The following XPO6 variants were observed in gnomAD, a reference collection of about 807,000 sequenced individuals.
XPO6 encodes exportin-6.
In XPO6, 3 loss-of-function variants were observed where a neutral mutation model predicts 130.0. The ratio of observed to expected loss-of-function variants is 0.02; its 90% CI spans 0.01 to 0.06. The LOEUF (loss-of-function observed/expected upper bound fraction) is 0.06. Among genes scored for constraint, XPO6 ranks in the 10% least tolerant of loss-of-function variants. The pLI, the probability that XPO6 is intolerant of heterozygous loss-of-function variation, is 1.00. For missense variants in XPO6, 970 were observed against 1,393.0 expected (o/e 0.70, Z 4.83); for synonymous variants, 524 against 548.9 (o/e 0.95, Z 0.63).
chr16:28,148,950 T>C (rs1238716408), intron 8 of XPO6, among the ~76,000 whole-genome samples: 1 of 149,446 alleles, frequency 6.7e-6, no homozygotes, highest in Non-Finnish European at 1.5e-5. Context: ...GGCTGAGAGG[T>C]AGAACTGCTT....
At chr16:28,102,094 TAAGTCTCAGAGTTC>T in intron 21 of XPO6, 149 bp from the exon 22 acceptor site, 1 of 613,202 alleles carries the variant, frequency 1.6e-6, no homozygotes, top group Non-Finnish European at 2.8e-6. Context: ...ACGCTCCTCC[TAAGTCTCAGAGTTC>T]ATGTTTTCCC....
chr16:28,202,465 AGACAAT>A (rs1379313651), intron 1 of XPO6, among the ~76,000 whole-genome samples: 1 of 152,168 alleles, frequency 6.6e-6, no homozygotes, highest in Non-Finnish European at 1.5e-5. Flanking sequence ...CCAAAGCAAG[AGACAAT>A]GACAGCTTGA....
At chr16:28,124,286 G>A (rs1291137166) in intron 13 of XPO6, among the ~76,000 whole-genome samples, 1 of 152,174 alleles carries the variant, frequency 6.6e-6, no homozygotes, top group Non-Finnish European at 1.5e-5. Flanking sequence ...TTGAACTCCT[G>A]ACCTCAGGTG....
Position 28,108,047 on chromosome 16 carries a change from G to C in XPO6, c.2342-370C>G, listed in dbSNP as rs139808876. Among the ~76,000 whole-genome samples the C allele has an allele frequency of 2.0e-3, 312 of 152,220 alleles. 2 individuals carry two copies. The highest frequency in any genetic ancestry group is 6.7e-3 in the African/African-American group (279 of 41,542). ...GCCTTGGATTTAATCAAATCTAAAA[G>C]ATGGTGAATAGACTGGTGAGAAAAT... On this transcript the variant is annotated intron_variant, in intron 17 of 23. Transcript: ENST00000304658.
intron 13 of XPO6, among the ~76,000 whole-genome samples, chr16:28,124,681 C>A (rs1490804266): frequency 1.3e-5 from 2 of 152,198 alleles, no homozygotes; most frequent in East Asian, 3.8e-4. Context: ...AAGTACAGAA[C>A]AAAATGAAAG....
chr16:28,157,376 AC>A (rs57228621), intron 6 of XPO6, among the ~76,000 whole-genome samples: 8,209 of 152,092 alleles, frequency 0.054, 568 homozygotes, highest in East Asian at 0.17. Flanking sequence ...AATCGCTTGA[AC>A]CCAGGAGGTG....
chr16:28,101,919 G>A lies in XPO6; in HGVS notation c.2973C>T (p.Pro991=), dbSNP rs375326776. Residue 991 remains proline (P), a synonymous_variant, in exon 22 of 24, where the codon CCC becomes CCT. Transcript: ENST00000304658. The surrounding 1 kb of genome is among the most constrained non-coding windows in gnomAD (Gnocchi z 5.4). Reference sequence around the variant, plus strand: ...GATTTTGTTTAAAAAGGTGGATGTCGGGCTGGAGAAAGGACTGTCCGAAAG... The same window carrying A: ...GATTTTGTTTAAAAAGGTGGATGTCAGGCTGGAGAAAGGACTGTCCGAAAG... ...MQAFGQSFLQ[P]DIHLFKQNLF... 7.2e-5 allele frequency: 116 copies of A among 1,614,000 alleles called. No homozygotes were observed. Among genetic ancestry groups the A allele is most frequent in the Admixed American group, 2.2e-4 (13 of 60,004 alleles).
chr16:28,135,484 G>A (rs187679104), intron 9 of XPO6, among the ~76,000 whole-genome samples, 160 bp from the exon 10 acceptor site: 4 of 152,286 alleles, frequency 2.6e-5, no homozygotes, highest in South Asian at 2.1e-4. Context: ...ACGTGTGTGC[G>A]CCCATGGAAG....
intron 9 of XPO6, among the ~76,000 whole-genome samples, chr16:28,143,086 T>C (rs913099783): frequency 1.8e-4 from 28 of 152,138 alleles, no homozygotes; most frequent in African/African-American, 6.5e-4. Context: ...TCATGAAAAA[T>C]TAAAAAGCCT....
chr16:28,173,468 G>A (rs945957607), intron 4 of XPO6, among the ~76,000 whole-genome samples: 1 of 152,174 alleles, frequency 6.6e-6, no homozygotes, highest in African/African-American at 2.4e-5. Flanking sequence ...TTAGGCTAGG[G>A]GCAGTAGCTC....
At chr16:28,118,131 G>A (rs764628980) in intron 14 of XPO6, among the ~76,000 whole-genome samples, 3 of 152,146 alleles carry the variant, frequency 2.0e-5, no homozygotes, top group Admixed American at 2.0e-4. Context: ...ATTACCTTTC[G>A]GTAATAATTA....
intron 17 of XPO6, among the ~76,000 whole-genome samples, chr16:28,109,107 C>A (rs1048319537): frequency 1.3e-5 from 2 of 152,150 alleles, no homozygotes; most frequent in African/African-American, 4.8e-5. Flanking sequence ...GAGCAAAAAA[C>A]CAACAGTCAA....
chr16:28,197,606 G>C (rs2043885406), intron 1 of XPO6, among the ~76,000 whole-genome samples: 2 of 152,012 alleles, frequency 1.3e-5, no homozygotes, highest in South Asian at 4.1e-4. Flanking sequence ...GAAAACATGT[G>C]ATGAAGTGCC....
intron 1 of XPO6, among the ~76,000 whole-genome samples, chr16:28,201,099 G>C (rs1215621060): frequency 6.6e-6 from 1 of 151,964 alleles, no homozygotes; most frequent in East Asian, 1.9e-4. Context: ...AATTAGCTTT[G>C]GGGCTCCCCA....
intron 3 of XPO6, among the ~76,000 whole-genome samples, 160 bp downstream of exon 3, chr16:28,177,060 C>A (rs1254410576): frequency 6.6e-6 from 1 of 152,126 alleles, no homozygotes; most frequent in African/African-American, 2.4e-5. Flanking sequence ...ATGGAAGATG[C>A]CCCAAACACC....
intron 1 of XPO6, among the ~76,000 whole-genome samples, chr16:28,207,185 T>G (rs1318548932): frequency 6.6e-6 from 1 of 151,410 alleles, no homozygotes; most frequent in Admixed American, 6.6e-5. Flanking sequence ...GAGGCAGAGG[T>G]TGCAGTAAGC....
At chr16:28,121,927 A>G (rs961529827) in intron 13 of XPO6, among the ~76,000 whole-genome samples, 165 bp from the exon 14 acceptor site, 2 of 151,210 alleles carry the variant, frequency 1.3e-5, no homozygotes, top group African/African-American at 2.5e-5. Flanking sequence ...AATCTGAGAT[A>G]TGCATAAAGA....
intron 6 of XPO6, among the ~76,000 whole-genome samples, chr16:28,160,269 T>C (rs2043254609): frequency 1.3e-5 from 2 of 149,060 alleles, no homozygotes; most frequent in Non-Finnish European, 3.0e-5. Context: ...TTTGGGAGGC[T>C]GAAGCGGATA....
At chr16:28,140,349 T>C (rs1456414773) in intron 9 of XPO6, among the ~76,000 whole-genome samples, 1 of 149,952 alleles carries the variant, frequency 6.7e-6, no homozygotes, top group African/African-American at 2.5e-5. Flanking sequence ...AATTAGAAAA[T>C]ATTTTAAATC....
Sources: allele counts gnomAD v4.1 joint callset (sites outside exome capture counted in the v4.1 genomes callset), GRCh38; gene constraint gnomAD v4.1.1; non-coding constraint Gnocchi (gnomAD v3.1); transcripts MANE v1.5; gene names NCBI Gene and HGNC (gene_info 2026-07-23, HGNC 2026-07-21).